The following FRMD4A variants were observed in gnomAD, a reference collection of about 807,000 sequenced individuals.
FRMD4A encodes FERM domain-containing protein 4A.
A neutral mutation model predicts 129.1 loss-of-function variants in FRMD4A; 29 were observed. The observed-to-expected ratio is 0.22, with a 90% confidence interval of 0.17 to 0.31. FRMD4A has a LOEUF of 0.31. Among genes scored for constraint, FRMD4A ranks in the 10% least tolerant of loss-of-function variants. The pLI, the probability that FRMD4A is intolerant of heterozygous loss-of-function variation, is 1.00. For synonymous variants in FRMD4A, 634 were observed against 571.6 expected, an observed-to-expected ratio of 1.11 and a Z score of -1.56; for missense variants, 1,272 against 1,375.8, an observed-to-expected ratio of 0.92 and a Z score of 1.19.
chr10:14,059,817 A>G (rs1195999326), intron 2 of FRMD4A, among the ~76,000 whole-genome samples: 3 of 152,210 alleles, frequency 2.0e-5, no homozygotes, highest in Non-Finnish European at 4.4e-5. Context: ...TCAAGCAATG[A>G]TATCCTTTGA....
chr10:14,225,949 G>A (rs1371416930), intron 2 of FRMD4A, among the ~76,000 whole-genome samples: 1 of 152,106 alleles, frequency 6.6e-6, no homozygotes, highest in Non-Finnish European at 1.5e-5. Context: ...CCTCTGGGTG[G>A]CCAGATATTC....
At chr10:13,790,122 G>A (rs377288967) in intron 5 of FRMD4A, among the ~76,000 whole-genome samples, 1 of 151,992 alleles carries the variant, frequency 6.6e-6, no homozygotes, top group African/African-American at 2.4e-5. Flanking sequence ...GAATAACAGC[G>A]AGTAGTGACT....
At chr10:13,874,165 G>A (rs1255445158) in intron 2 of FRMD4A, among the ~76,000 whole-genome samples, 1 of 140,874 alleles carries the variant, frequency 7.1e-6, no homozygotes, top group Non-Finnish European at 1.5e-5. Context: ...AGAATCGCTT[G>A]AACCTGCCAG....
intron 2 of FRMD4A, among the ~76,000 whole-genome samples, chr10:14,243,189 T>G (rs1020722531): frequency 1.3e-5 from 2 of 152,182 alleles, no homozygotes; most frequent in Non-Finnish European, 2.9e-5. Flanking sequence ...AATAAGCCAG[T>G]GATATAGTTT....
chr10:14,152,156 C>T (rs1377476106), intron 2 of FRMD4A, among the ~76,000 whole-genome samples: 4 of 101,866 alleles, frequency 3.9e-5, no homozygotes, highest in Non-Finnish European at 7.0e-5. Flanking sequence ...GAGACATAGT[C>T]TCGCTCTGTC....
intron 2 of FRMD4A, among the ~76,000 whole-genome samples, chr10:13,969,184 G>C (rs2095503265): frequency 6.6e-6 from 1 of 152,232 alleles, no homozygotes; most frequent in South Asian, 2.1e-4. Flanking sequence ...TGTTCACTGA[G>C]CCTCCCAGGT....
intron 2 of FRMD4A, among the ~76,000 whole-genome samples, chr10:14,022,170 G>T (rs1457362628): frequency 6.6e-6 from 1 of 152,196 alleles, no homozygotes; most frequent in Non-Finnish European, 1.5e-5. Flanking sequence ...AATTAACTAA[G>T]TGAGGTCAAC....
At chr10:13,955,283 T>C (rs1424231370) in intron 2 of FRMD4A, among the ~76,000 whole-genome samples, 2 of 152,088 alleles carry the variant, frequency 1.3e-5, no homozygotes, top group African/African-American at 4.8e-5. Context: ...AATTTTTGTA[T>C]TTTTAGTGGA....
chr10:13,672,134 G>A (rs2083561023), intron 16 of FRMD4A, among the ~76,000 whole-genome samples: 1 of 152,222 alleles, frequency 6.6e-6, no homozygotes, highest in African/African-American at 2.4e-5. Flanking sequence ...CGTGACATGA[G>A]CATAAACACA....
Position 14,165,665 on chromosome 10 carries a change from C to T in FRMD4A, c.45+164393G>A, listed in dbSNP as rs557085872. Among the ~76,000 whole-genome samples, 4 of 152,306 alleles carry T rather than the reference C, an allele frequency of 2.6e-5. No individual in the cohort carries two copies. The East Asian group carries it at 5.8e-4, about 22-fold the overall frequency. ...TGTGGTACATATACACCATAGAATA[C>T]TACACAGCCATAAAAAGAATGAATC... On this transcript the variant is annotated intron_variant, in intron 2 of 24. Coordinates refer to ENST00000357447, the MANE Select transcript of FRMD4A (RefSeq NM_018027.5).
intron 2 of FRMD4A, among the ~76,000 whole-genome samples, chr10:14,100,752 C>A (rs1004123683): frequency 1.3e-4 from 20 of 152,014 alleles, no homozygotes; most frequent in African/African-American, 4.3e-4. Context: ...AGGTGGATTT[C>A]ATTTCCCCCA....
At chr10:13,939,830 CA>C (rs1451106312) in intron 2 of FRMD4A, among the ~76,000 whole-genome samples, 1 of 152,080 alleles carries the variant, frequency 6.6e-6, no homozygotes, top group African/African-American at 2.4e-5. Flanking sequence ...ATTCTGGCAG[CA>C]AAAAGGTTTT....
rs1371594242 is a variant in FRMD4A, at chr10:13,769,779, C to T, written c.385-7099G>A. Among the ~76,000 whole-genome samples the T allele has an allele frequency of 3.3e-5, 5 of 152,220 alleles. No individual in the cohort carries two copies. The East Asian group carries it at 7.7e-4, about 23-fold the overall frequency. ...AAAGATGGAGGGTGGAGGAGCTTGC[C>T]CCTTTTTTCATTTTTCTTTCTTTCT... On this transcript the variant is annotated intron_variant, in intron 6 of 24. Transcript: ENST00000357447.
At chr10:13,874,487 A>G (rs953214813) in intron 2 of FRMD4A, among the ~76,000 whole-genome samples, 1 of 152,188 alleles carries the variant, frequency 6.6e-6, no homozygotes, top group South Asian at 2.1e-4. Flanking sequence ...TTTGACTACC[A>G]TAAAGATCAT....
At chr10:13,982,875 C>T (rs2095567195) in intron 2 of FRMD4A, among the ~76,000 whole-genome samples, 1 of 152,226 alleles carries the variant, frequency 6.6e-6, no homozygotes, top group Non-Finnish European at 1.5e-5. Flanking sequence ...AGGGCAAAGG[C>T]AAAGATTTCT....
chr10:13,700,377 C>T (rs575719752), intron 14 of FRMD4A, among the ~76,000 whole-genome samples: 1 of 152,236 alleles, frequency 6.6e-6, no homozygotes, highest in South Asian at 2.1e-4. Flanking sequence ...CTAGAGGGCA[C>T]CGATTCAGTG....
chr10:13,756,820 TG>T (rs1328560840), intron 8 of FRMD4A, among the ~76,000 whole-genome samples: 2 of 152,210 alleles, frequency 1.3e-5, no homozygotes. Flanking sequence ...ATCAAGTTTT[TG>T]TATGTGATAT....
At chr10:13,733,039 T>C (rs1208442998) in intron 12 of FRMD4A, among the ~76,000 whole-genome samples, 8 of 152,202 alleles carry the variant, frequency 5.3e-5, no homozygotes, top group Non-Finnish European at 8.8e-5. Flanking sequence ...GAGTTCCTGA[T>C]GTACAGCGGA....
At chr10:13,991,365 T>G (rs975203692) in intron 2 of FRMD4A, among the ~76,000 whole-genome samples, 12 of 152,148 alleles carry the variant, frequency 7.9e-5, no homozygotes, top group Admixed American at 1.3e-4. Context: ...AGCTGCAGCT[T>G]GTATGAAGGT....
Sources: allele counts gnomAD v4.1 joint callset (sites outside exome capture counted in the v4.1 genomes callset), GRCh38; gene constraint gnomAD v4.1.1; transcripts MANE v1.5; gene names NCBI Gene and HGNC (gene_info 2026-07-23, HGNC 2026-07-21).